The following ADARB2 variants were observed in gnomAD, a reference collection of about 807,000 sequenced individuals.
ADARB2 encodes adenosine deaminase RNA specific B2 (inactive).
Under a neutral mutation model 62.2 loss-of-function variants are expected in ADARB2, and 25 were observed. That is an observed-to-expected ratio of 0.40 (90% CI 0.29 to 0.56). The LOEUF is 0.56. Among genes scored for constraint, ADARB2 ranks in the 20% least tolerant of loss-of-function variants. The pLI is 0.43. For missense variants in ADARB2, 1,071 were observed against 1,077.4 expected, an observed-to-expected ratio of 0.99 and a Z score of 0.08; for synonymous variants, 572 against 500.8, an observed-to-expected ratio of 1.14 and a Z score of -1.90.
intron 1 of ADARB2, among the ~76,000 whole-genome samples, chr10:1,630,243 G>A (rs931315245): frequency 2.0e-5 from 3 of 152,206 alleles, no homozygotes; most frequent in African/African-American, 7.2e-5. Context: ...ACAGACTAGA[G>A]CTTGGCCCTC....
intron 1 of ADARB2, among the ~76,000 whole-genome samples, chr10:1,549,058 C>T (rs1163470721): frequency 1.3e-5 from 2 of 152,206 alleles, no homozygotes; most frequent in African/African-American, 4.8e-5. Context: ...AATCTGAAGA[C>T]GTCTGAGGGG....
intron 1 of ADARB2, among the ~76,000 whole-genome samples, chr10:1,529,054 C>G (rs765088720): frequency 4.0e-5 from 6 of 150,502 alleles, no homozygotes; most frequent in Non-Finnish European, 5.9e-5. Context: ...ACCACCCCAA[C>G]AAATCCTCCA....
intron 1 of ADARB2, among the ~76,000 whole-genome samples, chr10:1,706,809 A>G (rs1834895146): frequency 6.6e-6 from 1 of 151,670 alleles, no homozygotes; most frequent in Admixed American, 6.6e-5. Flanking sequence ...TTATAACAGG[A>G]GGAGACTGAT....
intron 1 of ADARB2, among the ~76,000 whole-genome samples, chr10:1,464,868 G>A (rs940367571): frequency 2.6e-5 from 4 of 152,184 alleles, no homozygotes; most frequent in African/African-American, 7.2e-5. Flanking sequence ...CACACACTCG[G>A]CGGAGGCCCC....
rs978912565 is a variant in ADARB2, at chr10:1,178,596, C to A, written c.*4597G>T. On this transcript the variant is annotated 3_prime_UTR_variant, in exon 10 of 10. Transcript: ENST00000381312. The stretch of plus-strand genomic sequence containing the variant: ...TCCTCCAGCCACCCGCCTAGCCCCA[C>A]ACAGTGGCAAAATACCAAAAGACCC... 2.6e-5 allele frequency: 4 copies of A among 152,310 alleles called. No individual in the cohort carries two copies. Among genetic ancestry groups the A allele is most frequent in the Admixed American group, 2.6e-4 (4 of 15,288 alleles). 9.4% of individuals were successfully genotyped at this position (152,310 alleles called of 1,614,324 possible).
At chr10:1,314,125 C>G (rs2804099) in intron 3 of ADARB2, among the ~76,000 whole-genome samples, 75,879 of 152,108 alleles carry the variant, frequency 0.5, 20,702 homozygotes, top group African/African-American at 0.74. Flanking sequence ...TTAGGAATCT[C>G]ACATTCTGGA....
At chr10:1,627,974 G>A (rs377357178) in intron 1 of ADARB2, among the ~76,000 whole-genome samples, 1 of 152,168 alleles carries the variant, frequency 6.6e-6, no homozygotes, top group African/African-American at 2.4e-5. Flanking sequence ...GGTCTGCCCC[G>A]TCTGAAATCA....
At chr10:1,579,845 G>C (rs1833072045) in intron 1 of ADARB2, among the ~76,000 whole-genome samples, 1 of 152,134 alleles carries the variant, frequency 6.6e-6, no homozygotes, top group Non-Finnish European at 1.5e-5. Flanking sequence ...TCCTGCACAG[G>C]CTGGCCATGG....
rs371569939 is a variant in ADARB2 at position 1,199,956 on chromosome 10, G to A, written c.1864+10C>T. The A allele has an allele frequency of 1.4e-5, 22 of 1,522,128 alleles. No individual in the cohort carries two copies. The highest frequency in any genetic ancestry group is 5.4e-5 in the African/African-American group (4 of 73,496). The allele number at this position is 1,522,128 out of a possible 1,614,324, so 94.3% of individuals were successfully genotyped here. On this transcript the variant is annotated intron_variant, in intron 8 of 9. Transcript: ENST00000381312. ...AGGAGGTGGAGGGCCCCCGGGAAGG[G>A]GGTTCTTACCGCTGAGGAGAGGCCG... is the stretch of plus-strand genomic sequence containing the variant.
rs1462262065 is a variant in ADARB2, at chr10:1,696,338, C to T, written c.100+40713G>A. ...TGCACGTGTGTTTTGTGTTCATGTG[C>T]ATTGTGTGTGCATGTGTAGAGGCAG... On this transcript the variant is annotated intron_variant, in intron 1 of 9. Coordinates refer to ENST00000381312, the MANE Select transcript of ADARB2 (RefSeq NM_018702.4). 4.6e-5 allele frequency among the ~76,000 whole-genome samples: 7 copies of T among 152,136 alleles called. No homozygotes were observed. The East Asian group carries it at 1.4e-3, about 29-fold the overall frequency.
chr10:1,595,806 G>T (rs1197992337), intron 1 of ADARB2, among the ~76,000 whole-genome samples: 1 of 152,234 alleles, frequency 6.6e-6, no homozygotes, highest in East Asian at 1.9e-4. Context: ...TGGTTTGTGG[G>T]GATCCACAGA....
Position 1,581,959 on chromosome 10 carries a change from C to A in ADARB2, c.100+155092G>T, listed in dbSNP as rs1487801691. Among the ~76,000 whole-genome samples the A allele has an allele frequency of 2.6e-5, 4 of 152,208 alleles. No individual in the cohort carries two copies. In the East Asian group the frequency reaches 7.7e-4, roughly 29 times the overall value. The stretch of plus-strand genomic sequence containing the variant: ...GCCCTGGAACAGGAAACCATCTCCT[C>A]CCCCAGAGGCCACTTCCCTACTCAC... On this transcript the variant is annotated intron_variant, in intron 1 of 9. Transcript: ENST00000381312.
chr10:1,660,804 A>C (rs1198388170), intron 1 of ADARB2, among the ~76,000 whole-genome samples: 2 of 152,162 alleles, frequency 1.3e-5, no homozygotes, highest in African/African-American at 4.8e-5. Flanking sequence ...ATTCCACTGC[A>C]TGTTTAACCA....
chr10:1,189,354 C>G (rs941006808), intron 8 of ADARB2, among the ~76,000 whole-genome samples: 5 of 152,042 alleles, frequency 3.3e-5, no homozygotes, highest in African/African-American at 1.2e-4. Flanking sequence ...TCCTGTCGAG[C>G]ACCTTCCTGG....
At chr10:1,475,311 C>T (rs1238181431) in intron 1 of ADARB2, among the ~76,000 whole-genome samples, 1 of 152,222 alleles carries the variant, frequency 6.6e-6, no homozygotes, top group East Asian at 1.9e-4. Context: ...GACAGTGTAT[C>T]TGCGCACCTT....
At chr10:1,554,431 G>A (rs1365821749) in intron 1 of ADARB2, among the ~76,000 whole-genome samples, 1 of 152,122 alleles carries the variant, frequency 6.6e-6, no homozygotes, top group Non-Finnish European at 1.5e-5. Context: ...GGTGTATGCT[G>A]GAGATTAAAA....
At chr10:1,275,694 C>T (rs898204458) in intron 3 of ADARB2, among the ~76,000 whole-genome samples, 5 of 122,036 alleles carry the variant, frequency 4.1e-5, no homozygotes, top group Non-Finnish European at 7.9e-5. Flanking sequence ...TTGTGATGTT[C>T]CCCTTCCTGT....
At chr10:1,731,125 T>C (rs1454975618) in intron 1 of ADARB2, among the ~76,000 whole-genome samples, 1 of 152,226 alleles carries the variant, frequency 6.6e-6, no homozygotes, top group African/African-American at 2.4e-5. Context: ...AGGGAGATTG[T>C]GGATCTCTTG....
At chr10:1,260,474 G>A (rs1364613671) in intron 4 of ADARB2, among the ~76,000 whole-genome samples, 1 of 150,426 alleles carries the variant, frequency 6.6e-6, no homozygotes, top group Non-Finnish European at 1.5e-5. Context: ...TAAAATCAAT[G>A]TACAAAAATC....
Sources: gnomAD v4.1 joint callset for allele counts (sites outside exome capture counted in the v4.1 genomes callset) on GRCh38, gnomAD v4.1.1 for gene constraint, MANE v1.5 for transcripts, NCBI Gene and HGNC (gene_info 2026-07-23, HGNC 2026-07-21) for gene names.